Variants in LAMA3 observed in about 807,000 individuals in gnomAD.
LAMA3 encodes laminin subunit alpha-3.
LAMA3 carries 281 observed loss-of-function variants against 402.0 expected under a neutral mutation model. The ratio of observed to expected loss-of-function variants is 0.70; its 90% confidence interval spans 0.63 to 0.77. LAMA3 has a LOEUF of 0.77. LAMA3 is among the 30% of genes least tolerant of loss of function. LAMA3 has a pLI of 0.00. For missense variants in LAMA3, 3,840 were observed against 4,215.5 expected (o/e 0.91, Z 2.47); for synonymous variants, 1,431 against 1,558.4 (o/e 0.92, Z 1.93).
chr18:23,810,228 C>T lies in LAMA3; in HGVS notation c.1604-138C>T, dbSNP rs528321969. 20 of 991,360 alleles carry T rather than the reference C, an allele frequency of 2.0e-5. No homozygotes were observed. In the South Asian group the frequency reaches 2.4e-4, roughly 12 times the overall value. The allele number at this position is 991,360 out of a possible 1,614,324, so 61.4% of individuals were successfully genotyped here. Reference sequence around the variant, plus strand: ...CAGTTGAGTGGCTTGTTTCAGGTTCCCGATCTCATAAGAAGTGGAGCTGGA... The same window carrying T: ...CAGTTGAGTGGCTTGTTTCAGGTTCTCGATCTCATAAGAAGTGGAGCTGGA... On this transcript the variant is annotated intron_variant, in intron 12 of 74. Transcript: ENST00000313654.
At chr18:23,752,164 C>A (rs911550314) in intron 5 of LAMA3, among the ~76,000 whole-genome samples, 191 of 152,114 alleles carry the variant, frequency 1.3e-3, no homozygotes, top group Non-Finnish European at 1.2e-3. Context: ...TCCTCAGCTC[C>A]CTCTGAGCTT....
At position 23,899,361 on chromosome 18, in the gene LAMA3, G is replaced by T. The variant is rs2080987827; in HGVS notation, c.5910G>T (p.Trp1970Cys). Reference sequence around the variant, plus strand: ...CTTCAGGTGACTTTTCCAGAGAGTGGGCTGAAGCCCAGCGCATGATGAGGG... The same window carrying T: ...CTTCAGGTGACTTTTCCAGAGAGTGTGCTGAAGCCCAGCGCATGATGAGGG... ...NVPSGDFSREWAEAQRMMREL... is the reference protein window; with the variant it reads ...NVPSGDFSRECAEAQRMMREL... The change falls in exon 47 of 75, where the codon TGG (tryptophan) becomes TGT (cysteine). Residue 1970 changes from tryptophan (W) to cysteine (C), a missense_variant. By Grantham distance (215) the Trp-to-Cys change is radical (BLOSUM62 -2). Around this residue, in one of 3 missense-constraint regions of LAMA3, gnomAD observed 891 missense variants for 857.5 expected, o/e 1.04. Transcript: ENST00000313654. 1.2e-6 allele frequency: 2 copies of T among 1,614,054 alleles called. No homozygotes were observed. Among genetic ancestry groups the T allele is most frequent in the East Asian group, 4.5e-5 (2 of 44,878 alleles).
Position 23,949,707 on chromosome 18 carries a change from A to T in LAMA3, c.9352-58A>T. On this transcript the variant is annotated intron_variant, in intron 70 of 74. Coordinates refer to ENST00000313654, the MANE Select transcript of LAMA3 (RefSeq NM_198129.4). Reference sequence around the variant, plus strand: ...AGCTGCAGTGCCCTTCGCCTTGGCTACCCATGCCTTTCTTGGAGGTGTAGG... The same window carrying T: ...AGCTGCAGTGCCCTTCGCCTTGGCTTCCCATGCCTTTCTTGGAGGTGTAGG... 1.9e-6 allele frequency: 3 copies of T among 1,570,904 alleles called. No individual in the cohort carries two copies. In the South Asian group the frequency reaches 3.3e-5, roughly 17 times the overall value.
At chr18:23,948,048 G>A (rs183819400) in intron 70 of LAMA3, among the ~76,000 whole-genome samples, 10 of 152,178 alleles carry the variant, frequency 6.6e-5, no homozygotes, top group South Asian at 2.1e-4. Flanking sequence ...TCCTGACCTC[G>A]TGATCTGCCC....
intron 69 of LAMA3, among the ~76,000 whole-genome samples, chr18:23,944,624 G>A (rs1399344617): frequency 6.6e-6 from 1 of 152,210 alleles, no homozygotes; most frequent in Non-Finnish European, 1.5e-5. Flanking sequence ...CCCTGGTACA[G>A]CAGGTGGTAG....
intron 2 of LAMA3, among the ~76,000 whole-genome samples, chr18:23,741,717 T>A (rs1283583713): frequency 6.6e-6 from 1 of 151,442 alleles, no homozygotes; most frequent in Non-Finnish European, 1.5e-5. Flanking sequence ...AAAAGGTAAC[T>A]TACGATGGGG....
chr18:23,943,976 G>A lies in LAMA3; in HGVS notation c.9210+5G>A. 1 of 1,613,582 alleles carries A rather than the reference G, an allele frequency of 6.2e-7. No homozygotes were observed. On this transcript the variant is annotated splice_donor_5th_base_variant and intron_variant, in intron 69 of 74. Coordinates refer to ENST00000313654, the MANE Select transcript of LAMA3 (RefSeq NM_198129.4). ...AATGATGGGAAATGGCACACGGTAA[G>A]AGCTGGGGCTGTGTCAGTATCTCCA... is the stretch of plus-strand genomic sequence containing the variant.
intron 12 of LAMA3, among the ~76,000 whole-genome samples, chr18:23,785,308 A>G (rs915624108): frequency 6.6e-6 from 1 of 152,164 alleles, no homozygotes; most frequent in African/African-American, 2.4e-5. Context: ...ACACTGGAGG[A>G]TATTAGAATA....
At chr18:23,779,503 A>G (rs2062392707) in intron 11 of LAMA3, among the ~76,000 whole-genome samples, 3 of 152,078 alleles carry the variant, frequency 2.0e-5, no homozygotes, top group South Asian at 4.2e-4. Context: ...GGTGACTCCA[A>G]GGCTTTTCGG....
intron 57 of LAMA3, 24 bp downstream of exon 57, chr18:23,914,585 T>C: frequency 6.2e-7 from 1 of 1,613,496 alleles, no homozygotes; most frequent in South Asian, 1.1e-5. Flanking sequence ...TGACTGTACC[T>C]GTGCTCACCA....
chr18:23,954,896 G>T lies in LAMA3; in HGVS notation c.*248G>T, dbSNP rs1205667880. On this transcript the variant is annotated 3_prime_UTR_variant, in exon 75 of 75. Coordinates refer to ENST00000313654, the MANE Select transcript of LAMA3 (RefSeq NM_198129.4). ...TTATTCAAATTGTTATGCACAGAATGTTTTTGGTAATATTAATTTCCACTA... is the reference window on the plus strand; with the variant it reads ...TTATTCAAATTGTTATGCACAGAATTTTTTTGGTAATATTAATTTCCACTA... 3 of 472,232 alleles carry T rather than the reference G, an allele frequency of 6.4e-6. No homozygotes were observed. The highest frequency in any genetic ancestry group is 1.9e-5 in the African/African-American group (1 of 51,436). The allele number at this position is 472,232 out of a possible 1,614,324, so 29.3% of individuals were successfully genotyped here.
chr18:23,945,565 G>A (rs1274072457), intron 69 of LAMA3, among the ~76,000 whole-genome samples: 2 of 152,238 alleles, frequency 1.3e-5, no homozygotes, highest in Admixed American at 1.3e-4. Flanking sequence ...TCAGCAGGCA[G>A]TAGAGGCCAA....
At chr18:23,913,755 T>C in intron 56 of LAMA3, among the ~76,000 whole-genome samples, 1 of 152,252 alleles carries the variant, frequency 6.6e-6, no homozygotes, top group East Asian at 1.9e-4. Context: ...GATTTTTTGC[T>C]TTGTTTTGTG....
intron 25 of LAMA3, 96 bp from the exon 26 acceptor site, chr18:23,838,667 ATTATTATGGATAAATCCT>A (rs1310784419): frequency 1.4e-6 from 1 of 713,666 alleles, no homozygotes; most frequent in African/African-American, 1.7e-5. Context: ...AACGATTAGA[ATTATTATGGATAAATCCT>A]TTACTTAATA....
chr18:23,726,405 C>T (rs139602821), intron 2 of LAMA3, among the ~76,000 whole-genome samples: 405 of 152,260 alleles, frequency 2.7e-3, no homozygotes, highest in Non-Finnish European at 4.9e-3. Flanking sequence ...ACTGTGTGGA[C>T]GGCTGTTTTG....
At chr18:23,922,081 CTT>C (rs2081861839) in intron 62 of LAMA3, among the ~76,000 whole-genome samples, 1 of 152,186 alleles carries the variant, frequency 6.6e-6, no homozygotes, top group Admixed American at 6.5e-5. Context: ...GTAACTGTTT[CTT>C]GGATGAGTGA....
chr18:23,807,680 CT>C (rs2062989742), intron 12 of LAMA3, among the ~76,000 whole-genome samples: 1 of 152,164 alleles, frequency 6.6e-6, no homozygotes, highest in Non-Finnish European at 1.5e-5. Flanking sequence ...TGGTGGACAT[CT>C]GTCTTTTTCT....
chr18:23,888,248 A>G (rs1386100030), intron 41 of LAMA3, among the ~76,000 whole-genome samples: 2 of 152,216 alleles, frequency 1.3e-5, no homozygotes, highest in Non-Finnish European at 2.9e-5. Flanking sequence ...TTATTAGGGG[A>G]TACATGGGCC....
rs149799538 is a variant in LAMA3, at chr18:23,763,146, C to T, written c.1064-259C>T. 8.4e-3 allele frequency among the ~76,000 whole-genome samples: 1,284 copies of T among 152,250 alleles called. 13 individuals carry two copies. Among genetic ancestry groups the T allele is most frequent in the South Asian group, 0.065 (311 of 4,818 alleles). ...GTGCTGGAATTACAGGTGTGAGCCA[C>T]TATGCCTAGCCCCAAGTAGTATTTT... On this transcript the variant is annotated intron_variant, in intron 7 of 74. Coordinates refer to ENST00000313654, the MANE Select transcript of LAMA3 (RefSeq NM_198129.4).
Sources: gnomAD v4.1 joint callset for allele counts (sites outside exome capture counted in the v4.1 genomes callset) on GRCh38, gnomAD v4.1.1 for gene constraint, gnomAD v4.1.1 regional missense constraint, MANE v1.5 for transcripts, NCBI Gene and HGNC (gene_info 2026-07-23, HGNC 2026-07-21) for gene names.